Variants in SULT1A3 observed in about 807,000 individuals in gnomAD.
SULT1A3 encodes sulfotransferase family 1A member 3, also known as sulfotransferase 1A3.
For missense variants in SULT1A3, 11 were observed against 62.7 expected (o/e 0.18, Z 2.78); for synonymous variants, 4 against 29.3 (o/e 0.14, Z 2.79).
At position 30,201,365 on chromosome 16, in the gene SULT1A3, G is replaced by A. The variant is rs915136488; in HGVS notation, c.372+72G>A. ...TGAGGAGGGAGGATCCCTTGAAGGC[G>A]AGAGATGGAGACCAGCCTGGGCAAC... On this transcript the variant is annotated intron_variant, in intron 4 of 7. Transcript: ENST00000338971. The A allele has an allele frequency of 6.2e-4, 92 of 148,058 alleles. No individual in the cohort carries two copies. In the South Asian group the frequency reaches 0.014, roughly 22 times the overall value. The allele number at this position is 148,058 out of a possible 1,614,324, so 9.2% of individuals were successfully genotyped here.
At chr16:30,201,949 C>A (rs1394840921) in intron 4 of SULT1A3, 1 of 93,446 alleles carries the variant, frequency 1.1e-5, no homozygotes, top group Non-Finnish European at 2.5e-5. Flanking sequence ...CCTGCCTCGA[C>A]CTCACAAAGT....
chr16:30,201,624 G>C (rs2073444158), intron 4 of SULT1A3, among the ~76,000 whole-genome samples: 1 of 152,034 alleles, frequency 6.6e-6, no homozygotes, highest in South Asian at 2.1e-4. Flanking sequence ...CCAGGAAGGG[G>C]GGCTCAGGTG....
chr16:30,204,233 T>C lies in SULT1A3; in HGVS notation c.*313T>C. ...AGGAGGTTGTGGATACAGTGAGTTA[T>C]GACATGCCCATTCACTACAGCCTGG... On this transcript the variant is annotated 3_prime_UTR_variant, in exon 8 of 8. Transcript: ENST00000338971. 1 of 583,752 alleles carries C rather than the reference T, an allele frequency of 1.7e-6. No individual in the cohort carries two copies. 36.2% of individuals were successfully genotyped at this position (583,752 alleles called of 1,614,324 possible).
At chr16:30,201,474 G>A (rs1596927824) in intron 4 of SULT1A3, among the ~76,000 whole-genome samples, 181 bp downstream of exon 4, 1 of 146,634 alleles carries the variant, frequency 6.8e-6, no homozygotes, top group Non-Finnish European at 1.5e-5. Context: ...CAGTTACTTA[G>A]GAGGCTCAGC....
At chr16:30,201,563 A>G (rs2073443526) in intron 4 of SULT1A3, among the ~76,000 whole-genome samples, 1 of 152,036 alleles carries the variant, frequency 6.6e-6, no homozygotes, top group Non-Finnish European at 1.5e-5. Flanking sequence ...TGGGCAACAC[A>G]GCAAAACCAT....
Position 30,204,155 on chromosome 16 carries a change from T to TA in SULT1A3, c.*236dup, listed in dbSNP as rs2073454053. 1 of 141,246 alleles carries TA rather than the reference T, an allele frequency of 7.1e-6. No individual in the cohort carries two copies. The highest frequency in any genetic ancestry group is 2.5e-5 in the African/African-American group (1 of 39,806). 8.7% of individuals were successfully genotyped at this position (141,246 alleles called of 1,614,324 possible). A position where few individuals can be genotyped will look rare whatever the true frequency, so the allele number is the denominator to read the frequency against. ...AAAATTAGCCACATGTGCTGGCACTTACCTGTAGTCCCAGCTACTTGGGAA... is the reference window on the plus strand; with the variant it reads ...AAAATTAGCCACATGTGCTGGCACTTAACCTGTAGTCCCAGCTACTTGGGAA... On this transcript the variant is annotated 3_prime_UTR_variant, in exon 8 of 8. Transcript: ENST00000338971.
intron 4 of SULT1A3, chr16:30,201,964 G>T (rs1301778405): frequency 3.5e-5 from 3 of 86,380 alleles, no homozygotes; most frequent in Non-Finnish European, 8.2e-5. Flanking sequence ...CAAAGTGCTG[G>T]AATTACAGGC....
intron 4 of SULT1A3, among the ~76,000 whole-genome samples, chr16:30,201,575 T>C (rs1166008648): frequency 6.6e-6 from 1 of 152,062 alleles, no homozygotes; most frequent in East Asian, 1.9e-4. Flanking sequence ...CAAAACCATC[T>C]CTACGAAAAA....
At position 30,204,180 on chromosome 16, in the gene SULT1A3, A is replaced by G; in HGVS notation, c.*260A>G. ...TACCTGTAGTCCCAGCTACTTGGGA[A>G]GCAGAGGCTGGAGGATCATTTCAGC... On this transcript the variant is annotated 3_prime_UTR_variant, in exon 8 of 8. Transcript: ENST00000338971. 1 of 384,972 alleles carries G rather than the reference A, an allele frequency of 2.6e-6. No homozygotes were observed. The highest frequency in any genetic ancestry group is 2.6e-5 in the South Asian group (1 of 37,824). The allele number at this position is 384,972 out of a possible 1,614,324, so 23.8% of individuals were successfully genotyped here.
intron 4 of SULT1A3, chr16:30,202,109 T>C (rs2151066382): frequency 4.1e-5 from 1 of 24,108 alleles, no homozygotes; most frequent in Admixed American, 3.4e-4. Flanking sequence ...TGCTTCAGCC[T>C]CCCAAGGAGC....
intron 4 of SULT1A3, among the ~76,000 whole-genome samples, chr16:30,201,622 G>A (rs1200710745): frequency 2.0e-5 from 3 of 152,024 alleles, no homozygotes; most frequent in African/African-American, 7.2e-5. Context: ...AGCCAGGAAG[G>A]GGGGCTCAGG....
In SULT1A3 at chr16:30,200,755, C is replaced by T; in HGVS notation, c.27C>T (p.Arg9=). The change falls in exon 2 of 8, where the codon CGC becomes CGT. Residue 9 remains arginine, a synonymous_variant. Coordinates refer to ENST00000338971, the MANE Select transcript of SULT1A3 (RefSeq NM_177552.4). MELIQDTS[R]PPLEYVKGVP... ...TGGAGCTGATCCAGGACACCTCCCG[C>T]CCGCCACTGGAGTACGTGAAGGGGG... is the stretch of plus-strand genomic sequence containing the variant. 7.5e-7 allele frequency: 1 copy of T among 1,336,372 alleles called. No individual in the cohort carries two copies. Among genetic ancestry groups the T allele is most frequent in the African/African-American group, 3.0e-5 (1 of 33,232 alleles). 82.8% of individuals were successfully genotyped at this position (1,336,372 alleles called of 1,614,324 possible).
chr16:30,203,345 T>C (rs1555491581), intron 6 of SULT1A3, 160 bp from the exon 7 acceptor site: 45 of 1,156 alleles, frequency 0.039, no homozygotes, highest in African/African-American at 0.25. Context: ...CTGTTCATGA[T>C]GGGATCACAG....
intron 4 of SULT1A3, 102 bp downstream of exon 4, chr16:30,201,395 C>T (rs2151066105): frequency 7.4e-6 from 1 of 134,940 alleles, no homozygotes; most frequent in African/African-American, 2.6e-5. Flanking sequence ...GGCAACATTG[C>T]TGTAGAGATG....
chr16:30,200,907 A>G (rs2073438363), intron 2 of SULT1A3, 31 bp downstream of exon 2: 1 of 461,216 alleles, frequency 2.2e-6, no homozygotes, highest in Non-Finnish European at 3.3e-6. Flanking sequence ...ACCCTCTCCC[A>G]GGCGGCAGTC....
At chr16:30,203,409 C>T in intron 6 of SULT1A3, 96 bp from the exon 7 acceptor site, 5 of 3,668 alleles carry the variant, frequency 1.4e-3, no homozygotes, top group Non-Finnish European at 2.4e-3. Context: ...GGTTGAGGCT[C>T]TTTGGGGTTT....
At chr16:30,200,690 TA>T (rs1436871522) in intron 1 of SULT1A3, 34 bp from the exon 2 acceptor site, 1 of 1,414,726 alleles carries the variant, frequency 7.1e-7, no homozygotes, top group Non-Finnish European at 9.1e-7. Context: ...GTGATGGTGG[TA>T]AGGGAACGGG....
At chr16:30,202,006 TG>T (rs1274733292) in intron 4 of SULT1A3, 1 of 70,632 alleles carries the variant, frequency 1.4e-5, no homozygotes, top group Non-Finnish European at 3.1e-5. Flanking sequence ...TTTTTTTTTT[TG>T]AGACAGTTTC....
chr16:30,201,690 C>G (rs1227562486), intron 4 of SULT1A3, among the ~76,000 whole-genome samples: 1 of 142,768 alleles, frequency 7.0e-6, no homozygotes, highest in African/African-American at 2.5e-5. Flanking sequence ...CTGCCAGGCT[C>G]ATCACATCTT....
Sources: gnomAD v4.1 joint callset for allele counts (sites outside exome capture counted in the v4.1 genomes callset) on GRCh38, gnomAD v4.1.1 for gene constraint, MANE v1.5 for transcripts, NCBI Gene and HGNC (gene_info 2026-07-23, HGNC 2026-07-21) for gene names.